ASTN2: variants seen among roughly 807,000 people sequenced by gnomAD.
ASTN2 encodes astrotactin 2.
A neutral mutation model predicts 139.8 loss-of-function variants in ASTN2; 54 were observed. That is an observed-to-expected ratio of 0.39 (90% CI 0.31 to 0.48). The LOEUF is 0.48. Among genes scored for constraint, ASTN2 ranks in the 20% least tolerant of loss-of-function variants. ASTN2 has a pLI of 0.95. For missense variants in ASTN2, 1,565 were observed against 1,725.1 expected, an observed-to-expected ratio of 0.91 and a Z score of 1.64; for synonymous variants, 756 against 719.5, an observed-to-expected ratio of 1.05 and a Z score of -0.81.
At chr9:116,659,640 G>A (rs900543538) in intron 16 of ASTN2, among the ~76,000 whole-genome samples, 4 of 152,008 alleles carry the variant, frequency 2.6e-5, no homozygotes, top group Non-Finnish European at 5.9e-5. Context: ...AGTCATATCC[G>A]TTCCAAATAT....
chr9:117,094,902 G>A, intron 5 of ASTN2, among the ~76,000 whole-genome samples: 1 of 152,216 alleles, frequency 6.6e-6, no homozygotes, highest in Admixed American at 6.5e-5. Flanking sequence ...GAGGCTTACA[G>A]AAGGCAAATA....
intron 5 of ASTN2, among the ~76,000 whole-genome samples, chr9:117,080,507 T>A (rs1411018614): frequency 2.0e-5 from 3 of 151,274 alleles, no homozygotes; most frequent in Non-Finnish European, 4.4e-5. Context: ...AAAACAGGAG[T>A]GCAAATGTGT....
chr9:117,081,440 G>A (rs1411626623), intron 5 of ASTN2, among the ~76,000 whole-genome samples: 1 of 152,128 alleles, frequency 6.6e-6, no homozygotes, highest in African/African-American at 2.4e-5. Context: ...CTCCAGGTAG[G>A]AGGCAGAATT....
chr9:117,228,262 A>G (rs529509224), intron 2 of ASTN2, among the ~76,000 whole-genome samples: 2 of 152,264 alleles, frequency 1.3e-5, no homozygotes, highest in South Asian at 4.1e-4. Flanking sequence ...CAGGTAACTC[A>G]AGCAGAGTAA....
At chr9:117,055,303 G>C (rs1047646270) in intron 5 of ASTN2, among the ~76,000 whole-genome samples, 1 of 152,192 alleles carries the variant, frequency 6.6e-6, no homozygotes, top group African/African-American at 2.4e-5. Context: ...CCCAAAGCGT[G>C]AACCATTAGG....
At position 116,804,841 on chromosome 9, in the gene ASTN2, CGT is replaced by C. The variant is rs1180677174; in HGVS notation, c.2396+789_2396+790del. ...GTTAAAAGTATAATGTGTGTGTGTA[CGT>C]GTGTGTGTGTGTGAGTGTGTGTTTA... On this transcript the variant is annotated intron_variant, in intron 13 of 22. Coordinates refer to ENST00000313400, the MANE Select transcript of ASTN2 (RefSeq NM_001365068.1). Among the ~76,000 whole-genome samples the C allele has an allele frequency of 3.4e-5, 5 of 147,850 alleles. No homozygotes were observed. The East Asian group carries it at 5.9e-4, about 18-fold the overall frequency.
At chr9:117,236,571 G>A (rs1281249716) in intron 2 of ASTN2, among the ~76,000 whole-genome samples, 1 of 152,220 alleles carries the variant, frequency 6.6e-6, no homozygotes, top group African/African-American at 2.4e-5. Context: ...GTCCATGAGG[G>A]TAGCGGTGTT....
intron 19 of ASTN2, among the ~76,000 whole-genome samples, chr9:116,502,587 A>G (rs2119143537): frequency 1.3e-5 from 2 of 151,444 alleles, no homozygotes; most frequent in East Asian, 3.9e-4. Flanking sequence ...AGACATAGAC[A>G]GGAGTTGGTG....
At chr9:116,543,897 G>A in intron 19 of ASTN2, 1 of 152,188 alleles carries the variant, frequency 6.6e-6, no homozygotes, top group East Asian at 1.9e-4. Context: ...GACAAACACT[G>A]ATGAGAACGT....
chr9:116,966,199 G>A (rs1836006950), intron 10 of ASTN2, among the ~76,000 whole-genome samples: 2 of 152,116 alleles, frequency 1.3e-5, no homozygotes. Context: ...TCATTTCTCA[G>A]TTTCACTGTA....
chr9:117,386,330 T>A (rs1830399605), intron 1 of ASTN2, among the ~76,000 whole-genome samples: 1 of 152,098 alleles, frequency 6.6e-6, no homozygotes, highest in South Asian at 2.1e-4. Context: ...GCAGTTAACA[T>A]GGAGCAGCTG....
chr9:116,624,773 C>T (rs1047296801), intron 17 of ASTN2, among the ~76,000 whole-genome samples: 2 of 151,998 alleles, frequency 1.3e-5, no homozygotes, highest in African/African-American at 4.8e-5. Context: ...CTTATTAATG[C>T]CTAATGGATT....
At chr9:116,517,989 C>G (rs1402782887) in intron 19 of ASTN2, among the ~76,000 whole-genome samples, 1 of 152,092 alleles carries the variant, frequency 6.6e-6, no homozygotes, top group Non-Finnish European at 1.5e-5. Context: ...TGAAAAAAGC[C>G]TCCAAGAAAT....
At chr9:117,179,524 G>A (rs367739164) in intron 3 of ASTN2, among the ~76,000 whole-genome samples, 1 of 152,188 alleles carries the variant, frequency 6.6e-6, no homozygotes. Flanking sequence ...ACTAGGGAAG[G>A]GATTAGCAAT....
intron 1 of ASTN2, among the ~76,000 whole-genome samples, chr9:117,390,364 A>C (rs1830510477): frequency 6.6e-6 from 1 of 152,168 alleles, no homozygotes; most frequent in Non-Finnish European, 1.5e-5. Context: ...ACTACAGTCC[A>C]TGGTTTACAT....
intron 3 of ASTN2, among the ~76,000 whole-genome samples, chr9:117,148,645 T>G (rs926911966): frequency 5.9e-5 from 9 of 152,238 alleles, no homozygotes; most frequent in African/African-American, 2.2e-4. Context: ...ACCTCAGATC[T>G]GATAGTCAAT....
rs562926798 is a variant in ASTN2 at position 117,009,426 on chromosome 9, G to A, written c.1424-1167C>T. The stretch of plus-strand genomic sequence containing the variant: ...CACACACACTTTTTTTGGGAGGCAA[G>A]AAACAGAAGCCCATTCAGGATGGCT... On this transcript the variant is annotated intron_variant, in intron 6 of 22. Coordinates refer to ENST00000313400, the MANE Select transcript of ASTN2 (RefSeq NM_001365068.1). Among the ~76,000 whole-genome samples, 58 of 152,176 alleles carry A rather than the reference G, an allele frequency of 3.8e-4. 2 individuals carry two copies. In the South Asian group the frequency reaches 7.7e-3, roughly 20 times the overall value.
intron 10 of ASTN2, among the ~76,000 whole-genome samples, chr9:116,934,228 G>T (rs1420359112): frequency 6.6e-6 from 1 of 152,024 alleles, no homozygotes; most frequent in Admixed American, 6.6e-5. Flanking sequence ...GATCAAAGAA[G>T]CCCGATTTCT....
intron 1 of ASTN2, among the ~76,000 whole-genome samples, chr9:117,372,571 TATA>T (rs1830017474): frequency 6.6e-6 from 1 of 152,170 alleles, no homozygotes; most frequent in African/African-American, 2.4e-5. Flanking sequence ...GCAAACTGGA[TATA>T]ATAACAGTAC....
Sources: gnomAD v4.1 joint callset for allele counts (sites outside exome capture counted in the v4.1 genomes callset) on GRCh38, gnomAD v4.1.1 for gene constraint, MANE v1.5 for transcripts, NCBI Gene and HGNC (gene_info 2026-07-23, HGNC 2026-07-21) for gene names.